CTNND2: variants seen among roughly 807,000 people sequenced by gnomAD.
CTNND2 encodes the protein catenin delta-2.
Under a neutral mutation model 144.4 loss-of-function variants are expected in CTNND2, and 22 were observed. The ratio of observed to expected loss-of-function variants is 0.15; its 90% CI spans 0.11 to 0.22. The LOEUF is 0.22. Among genes scored for constraint, CTNND2 ranks in the 10% least tolerant of loss-of-function variants. CTNND2 has a pLI of 1.00. For missense variants in CTNND2, 1,353 were observed against 1,618.8 expected (o/e 0.84, Z 2.82); for synonymous variants, 751 against 695.6 (o/e 1.08, Z -1.25).
At chr5:11,803,098 G>A (rs1791785038) in intron 1 of CTNND2, among the ~76,000 whole-genome samples, 1 of 152,126 alleles carries the variant, frequency 6.6e-6, no homozygotes, top group African/African-American at 2.4e-5. Context: ...GAGGCGGGTG[G>A]ATCACGAGGT....
At position 11,895,640 on chromosome 5, in the gene CTNND2, T is replaced by G. The variant is rs75207078; in HGVS notation, c.37+8177A>C. Among the ~76,000 whole-genome samples the G allele has an allele frequency of 2.7e-3, 396 of 144,610 alleles. 15 individuals are homozygous for G. In the East Asian group the frequency reaches 0.072, roughly 26 times the overall value. 94.9% of individuals were successfully genotyped at this position (144,610 alleles called of 152,430 possible). ...ACTCCTGTAGGACAAGTGAGTAAGT[T>G]TAACTTCAAGCTTTAGAATTATGCT... is the stretch of plus-strand genomic sequence containing the variant. On this transcript the variant is annotated intron_variant, in intron 1 of 21. Coordinates refer to ENST00000304623, the MANE Select transcript of CTNND2 (RefSeq NM_001332.4).
At chr5:11,290,581 C>T (rs1748224802) in intron 9 of CTNND2, among the ~76,000 whole-genome samples, 1 of 152,166 alleles carries the variant, frequency 6.6e-6, no homozygotes, top group African/African-American at 2.4e-5. Flanking sequence ...ATCTGCTGAA[C>T]AAATGATCCT....
intron 3 of CTNND2, among the ~76,000 whole-genome samples, chr5:11,519,361 T>G (rs1316951773): frequency 6.6e-6 from 1 of 152,192 alleles, no homozygotes; most frequent in Non-Finnish European, 1.5e-5. Flanking sequence ...ATGGCTTCCA[T>G]GTTAGCACTT....
chr5:11,412,630 C>T lies in CTNND2; in HGVS notation c.288-561G>A, dbSNP rs375628627. ...AATACATCTTATGAAATGACCCAGA[C>T]GGAAAGGGTTGTCCATATACATATG... On this transcript the variant is annotated intron_variant, in intron 3 of 21. Transcript: ENST00000304623. Among the ~76,000 whole-genome samples, 11 of 152,140 alleles carry T rather than the reference C, an allele frequency of 7.2e-5. No individual in the cohort carries two copies. The East Asian group carries it at 1.4e-3, about 19-fold the overall frequency.
intron 2 of CTNND2, among the ~76,000 whole-genome samples, chr5:11,648,072 C>T (rs1212400662): frequency 6.6e-6 from 1 of 151,656 alleles, no homozygotes; most frequent in African/African-American, 2.4e-5. Flanking sequence ...GCATCCTGAA[C>T]TTTTATCATA....
intron 9 of CTNND2, among the ~76,000 whole-genome samples, chr5:11,338,493 G>A (rs1468364943): frequency 1.3e-5 from 2 of 152,184 alleles, no homozygotes; most frequent in African/African-American, 4.8e-5. Context: ...AGGAAGGTCT[G>A]TATACGAGAG....
intron 18 of CTNND2, among the ~76,000 whole-genome samples, chr5:10,995,627 T>C (rs1040860935): frequency 2.6e-5 from 4 of 152,126 alleles, no homozygotes; most frequent in Admixed American, 2.6e-4. Context: ...GGAGAGATGT[T>C]TTCATAGATC....
intron 10 of CTNND2, among the ~76,000 whole-genome samples, chr5:11,200,865 G>C (rs1359103374): frequency 6.6e-6 from 1 of 152,090 alleles, no homozygotes; most frequent in Non-Finnish European, 1.5e-5. Context: ...ATTTTTAGTA[G>C]AGACAGGGTT....
intron 16 of CTNND2, among the ~76,000 whole-genome samples, chr5:11,061,028 T>C (rs1222471293): frequency 3.9e-5 from 6 of 152,202 alleles, no homozygotes; most frequent in African/African-American, 1.4e-4. Flanking sequence ...TAAATGAATA[T>C]TGTCGGCTTT....
intron 8 of CTNND2, among the ~76,000 whole-genome samples, chr5:11,351,388 G>C (rs570178250): frequency 1.3e-5 from 2 of 152,170 alleles, no homozygotes; most frequent in South Asian, 4.2e-4. Flanking sequence ...GGTCTCTTCG[G>C]GAGATATAAC....
Position 11,564,949 on chromosome 5 carries a change from G to A in CTNND2, c.282C>T (p.Ser94=), listed in dbSNP as rs146837334. 335 of 1,612,270 alleles carry A rather than the reference G, an allele frequency of 2.1e-4. 1 individual carries two copies. In the African/African-American group the frequency reaches 3.9e-3, roughly 19 times the overall value. ...KLGSETGSMS[S]MSSAEEQFQW... is the part of the protein sequence containing the mutation. ...GAACAGAGCGGCGCTAGTACCTCAT[G>A]CTGCTCATGCTGCCAGTCTCGGATC... is the stretch of plus-strand genomic sequence containing the variant. Residue 94 remains serine (S), a synonymous_variant, in exon 3 of 22, where the codon AGC becomes AGT. Coordinates refer to ENST00000304623, the MANE Select transcript of CTNND2 (RefSeq NM_001332.4).
intron 8 of CTNND2, among the ~76,000 whole-genome samples, chr5:11,353,455 T>C (rs180886693): frequency 6.6e-6 from 1 of 152,224 alleles, no homozygotes. Flanking sequence ...TAAAATTTAA[T>C]GTGATATAGA....
intron 6 of CTNND2, among the ~76,000 whole-genome samples, chr5:11,395,952 T>C (rs1760081659): frequency 6.6e-6 from 1 of 152,162 alleles, no homozygotes; most frequent in Non-Finnish European, 1.5e-5. Flanking sequence ...GATACAAACA[T>C]GAAAAAAGTC....
chr5:11,328,345 T>C (rs1316605588), intron 9 of CTNND2, among the ~76,000 whole-genome samples: 1 of 151,150 alleles, frequency 6.6e-6, no homozygotes, highest in African/African-American at 2.4e-5. Context: ...CAAGCTGGAG[T>C]GCAGTGGTGC....
chr5:11,845,449 T>C (rs983376534), intron 1 of CTNND2, among the ~76,000 whole-genome samples: 2 of 152,168 alleles, frequency 1.3e-5, no homozygotes, highest in East Asian at 3.9e-4. Flanking sequence ...GAGGTCATAC[T>C]GGAGTAGGAT....
rs543249013 is a variant in CTNND2 at position 11,536,400 on chromosome 5, A to G, written c.287+28544T>C. On this transcript the variant is annotated intron_variant, in intron 3 of 21. Transcript: ENST00000304623. ...GTATCTACCCAGAGGAAAAGAAGTTATTGTACGAAAAAGATACTTGCACAC... is the reference window on the plus strand; with the variant it reads ...GTATCTACCCAGAGGAAAAGAAGTTGTTGTACGAAAAAGATACTTGCACAC... Among the ~76,000 whole-genome samples the G allele has an allele frequency of 1.6e-4, 24 of 152,204 alleles. No individual in the cohort carries two copies. The South Asian group carries it at 3.9e-3, about 25-fold the overall frequency.
At chr5:11,698,853 A>G (rs1213335760) in intron 2 of CTNND2, among the ~76,000 whole-genome samples, 1 of 151,846 alleles carries the variant, frequency 6.6e-6, no homozygotes, top group Non-Finnish European at 1.5e-5. Context: ...AAAGCTTTAA[A>G]TAATTTATAA....
chr5:11,042,554 G>A (rs761348407), intron 16 of CTNND2, among the ~76,000 whole-genome samples: 9 of 152,212 alleles, frequency 5.9e-5, no homozygotes, highest in Admixed American at 3.3e-4. Context: ...TTCACTGTAC[G>A]AAACTCATGT....
At chr5:11,847,447 A>T (rs1396925853) in intron 1 of CTNND2, among the ~76,000 whole-genome samples, 1 of 151,978 alleles carries the variant, frequency 6.6e-6, no homozygotes. Flanking sequence ...TCATAGAAGT[A>T]GAGAGTAGAA....
Sources: gnomAD v4.1 joint callset for allele counts (sites outside exome capture counted in the v4.1 genomes callset) on GRCh38, gnomAD v4.1.1 for gene constraint, MANE v1.5 for transcripts, NCBI Gene and HGNC (gene_info 2026-07-23, HGNC 2026-07-21) for gene names.